IMMP2L: variants seen among roughly 807,000 people sequenced by gnomAD.
IMMP2L encodes inner mitochondrial membrane peptidase subunit 2.
Under a neutral mutation model 19.3 loss-of-function variants are expected in IMMP2L, and 18 were observed. That is an observed-to-expected ratio of 0.93 (90% CI 0.64 to 1.38). IMMP2L has a LOEUF of 1.38. Ranked by LOEUF, IMMP2L falls within the 40% of genes most tolerant of loss-of-function variation. IMMP2L has a pLI of 0.00. For missense variants in IMMP2L, 233 were observed against 218.2 expected (o/e 1.07, Z -0.43); for synonymous variants, 76 against 73.0 (o/e 1.04, Z -0.21).
At position 110,728,309 on chromosome 7, in the gene IMMP2L, G is replaced by A. The variant is rs1369396858; in HGVS notation, c.409-64588C>T. On this transcript the variant is annotated intron_variant, in intron 5 of 5. Coordinates refer to ENST00000405709, the MANE Select transcript of IMMP2L (RefSeq NM_032549.4). This position sits in a 1 kb window ranked among gnomAD's most constrained non-coding sequence, Gnocchi z 4.6. ...AGCTCAGGAGTTTGAAACCAGCCTG[G>A]GCAACATGGCAAAACCCTGTATCTA... is the stretch of plus-strand genomic sequence containing the variant. Among the ~76,000 whole-genome samples, 6 of 151,964 alleles carry A rather than the reference G, an allele frequency of 3.9e-5. No homozygotes were observed. Among genetic ancestry groups the A allele is most frequent in the Non-Finnish European group, 8.8e-5 (6 of 68,010 alleles).
intron 5 of IMMP2L, among the ~76,000 whole-genome samples, chr7:110,672,141 T>A (rs1025054922): frequency 2.0e-5 from 3 of 152,028 alleles, no homozygotes; most frequent in African/African-American, 7.3e-5. Context: ...TTTAATTGAC[T>A]CACAGTTACT....
chr7:111,096,201 T>G (rs572764062), intron 3 of IMMP2L, among the ~76,000 whole-genome samples: 1 of 152,076 alleles, frequency 6.6e-6, no homozygotes, highest in Non-Finnish European at 1.5e-5. Context: ...GTAGATATGA[T>G]GATGATTAAC....
At chr7:111,241,305 G>A (rs373141719) in intron 3 of IMMP2L, among the ~76,000 whole-genome samples, 22 of 151,786 alleles carry the variant, frequency 1.4e-4, no homozygotes, top group African/African-American at 5.3e-4. Context: ...ACCCAAAAAA[G>A]GTCACTTTAA....
At chr7:111,286,254 G>A (rs1820467716) in intron 3 of IMMP2L, among the ~76,000 whole-genome samples, 1 of 152,126 alleles carries the variant, frequency 6.6e-6, no homozygotes, top group Non-Finnish European at 1.5e-5. Context: ...AGTTGCTCAG[G>A]AGAAGTTTAG....
intron 3 of IMMP2L, among the ~76,000 whole-genome samples, chr7:111,344,982 G>A (rs1827391731): frequency 1.3e-5 from 2 of 152,060 alleles, no homozygotes; most frequent in South Asian, 4.1e-4. Context: ...TTAAGTCCCA[G>A]AAACCCAGGG....
chr7:111,220,268 TA>T (rs1218777233), intron 3 of IMMP2L, among the ~76,000 whole-genome samples: 1 of 152,024 alleles, frequency 6.6e-6, no homozygotes, highest in Non-Finnish European at 1.5e-5. Context: ...TATTATAAAG[TA>T]AAATATTTTA....
At chr7:110,944,469 G>A (rs59207687) in intron 4 of IMMP2L, among the ~76,000 whole-genome samples, 4,272 of 151,732 alleles carry the variant, frequency 0.028, 100 homozygotes, top group Middle Eastern at 0.068. Context: ...GTGTGCGCGC[G>A]CACGTGTGTG....
intron 3 of IMMP2L, among the ~76,000 whole-genome samples, chr7:111,010,862 C>G (rs369738668): frequency 6.6e-6 from 1 of 151,788 alleles, no homozygotes; most frequent in African/African-American, 2.4e-5. Context: ...AGACTACAAA[C>G]GTGGCAAAGT....
rs145070490 is a variant in IMMP2L at position 110,868,625 on chromosome 7, T to G, written c.408+17968A>C. The stretch of plus-strand genomic sequence containing the variant: ...AAAGATTACTAAAACATTTTCTATC[T>G]TTAGAAAATCTCTAACAGTGAAAAT... On this transcript the variant is annotated intron_variant, in intron 5 of 5. Coordinates refer to ENST00000405709, the MANE Select transcript of IMMP2L (RefSeq NM_032549.4). Among the ~76,000 whole-genome samples the G allele has an allele frequency of 5.8e-3, 888 of 152,236 alleles. 6 individuals carry two copies. The highest frequency in any genetic ancestry group is 0.021 in the African/African-American group (857 of 41,554).
intron 3 of IMMP2L, among the ~76,000 whole-genome samples, chr7:111,355,397 TAAAA>T (rs1231789071): frequency 6.6e-6 from 1 of 151,794 alleles, no homozygotes; most frequent in African/African-American, 2.4e-5. Context: ...ACTGTATAAA[TAAAA>T]AGTGTTATTA....
At chr7:110,930,370 C>A (rs1815334178) in intron 4 of IMMP2L, among the ~76,000 whole-genome samples, 1 of 151,774 alleles carries the variant, frequency 6.6e-6, no homozygotes, top group African/African-American at 2.4e-5. Context: ...CAGCCTTGTA[C>A]CTGTAAACTC....
intron 3 of IMMP2L, among the ~76,000 whole-genome samples, chr7:111,235,409 C>T (rs529679192): frequency 3.3e-5 from 5 of 151,398 alleles, no homozygotes; most frequent in Admixed American, 2.0e-4. Context: ...AAGTGGAGGT[C>T]GCGGTGAGCT....
rs533749634 is a variant in IMMP2L, at chr7:110,755,922, T to C, written c.409-92201A>G. 2.9e-4 allele frequency among the ~76,000 whole-genome samples: 44 copies of C among 152,160 alleles called. 1 individual carries two copies. In the South Asian group the frequency reaches 8.1e-3, roughly 28 times the overall value. On this transcript the variant is annotated intron_variant, in intron 5 of 5. Transcript: ENST00000405709. The stretch of plus-strand genomic sequence containing the variant: ...CACAGAAGGAGAGAATATCTGGAAG[T>C]ATTCTATATTGCCATTTTAAAGGAG...
At position 111,100,549 on chromosome 7, in the gene IMMP2L, TAATA is replaced by T. The variant is rs538016517; in HGVS notation, c.240-136988_240-136985del. Among the ~76,000 whole-genome samples, 884 of 150,160 alleles carry T rather than the reference TAATA, an allele frequency of 5.9e-3. 15 individuals carry two copies. Among genetic ancestry groups the T allele is most frequent in the African/African-American group, 0.021 (850 of 41,206 alleles). On this transcript the variant is annotated intron_variant, in intron 3 of 5. Coordinates refer to ENST00000405709, the MANE Select transcript of IMMP2L (RefSeq NM_032549.4). The stretch of plus-strand genomic sequence containing the variant: ...ACAACCTGATTAGTATAATATTATT[TAATA>T]AATAATATAATGATAATGAACACTT...
intron 5 of IMMP2L, among the ~76,000 whole-genome samples, chr7:110,731,107 T>C (rs1252008311): frequency 1.3e-5 from 2 of 152,196 alleles, no homozygotes; most frequent in Non-Finnish European, 2.9e-5. Flanking sequence ...ATATTTTACT[T>C]TATATCTTCA....
intron 3 of IMMP2L, among the ~76,000 whole-genome samples, chr7:111,219,193 G>T (rs1045210239): frequency 6.6e-6 from 1 of 151,986 alleles, no homozygotes; most frequent in Non-Finnish European, 1.5e-5. Flanking sequence ...ACTCTACTTT[G>T]AAATGCCAAA....
chr7:110,961,557 C>A (rs1351431300), intron 4 of IMMP2L, among the ~76,000 whole-genome samples: 1 of 150,866 alleles, frequency 6.6e-6, no homozygotes, highest in Non-Finnish European at 1.5e-5. Flanking sequence ...AACTGTATAC[C>A]CGATAGAAAT....
chr7:111,186,126 T>C, intron 3 of IMMP2L, among the ~76,000 whole-genome samples: 1 of 152,330 alleles, frequency 6.6e-6, no homozygotes, highest in East Asian at 1.9e-4. Flanking sequence ...ACATATATTT[T>C]ATTTTATGCA....
intron 5 of IMMP2L, among the ~76,000 whole-genome samples, chr7:110,664,110 C>A (rs1791262271): frequency 6.6e-6 from 1 of 152,112 alleles, no homozygotes; most frequent in Admixed American, 6.5e-5. Flanking sequence ...CCATCTTAAC[C>A]ATTAGCCTCA....
Sources: gnomAD v4.1 joint callset for allele counts (sites outside exome capture counted in the v4.1 genomes callset) on GRCh38, gnomAD v4.1.1 for gene constraint, Gnocchi (gnomAD v3.1) non-coding constraint, MANE v1.5 for transcripts, NCBI Gene and HGNC (gene_info 2026-07-23, HGNC 2026-07-21) for gene names.